The following MYT1 variants were observed in gnomAD, a reference collection of about 807,000 sequenced individuals.
MYT1 encodes the protein myelin transcription factor 1.
In MYT1, 23 loss-of-function variants were observed where a neutral mutation model predicts 123.0. That is an observed-to-expected ratio of 0.19 (90% CI 0.13 to 0.26). The LOEUF is 0.26. Among genes scored for constraint, MYT1 ranks in the 10% least tolerant of loss-of-function variants. The probability of loss-of-function intolerance (pLI) is 1.00; values close to 1 mark genes in which losing one functional copy is unlikely to be tolerated. For synonymous variants in MYT1, 518 were observed against 575.3 expected, an observed-to-expected ratio of 0.90 and a Z score of 1.43; for missense variants, 1,125 against 1,472.5, an observed-to-expected ratio of 0.76 and a Z score of 3.86.
chr20:64,170,801 CTG>C (rs1982229531), intron 1 of MYT1, among the ~76,000 whole-genome samples: 1 of 137,520 alleles, frequency 7.3e-6, no homozygotes, highest in South Asian at 2.4e-4. Context: ...AGTGGGTTGG[CTG>C]TGAGGCATTC....
intron 21 of MYT1, among the ~76,000 whole-genome samples, chr20:64,238,886 G>C (rs1984632049): frequency 6.6e-6 from 1 of 152,212 alleles, no homozygotes; most frequent in Admixed American, 6.5e-5. Flanking sequence ...TTGGTGACTG[G>C]TGCCCTCTGC....
In MYT1 at chr20:64,196,883, C is replaced by CAATA. The variant is rs959147215; in HGVS notation, c.1-1960_1-1957dup. On this transcript the variant is annotated intron_variant, in intron 2 of 22. Transcript: ENST00000328439. This position sits in a 1 kb window ranked among gnomAD's most constrained non-coding sequence, Gnocchi z 4.3. ...TTGCCAATATCCTTGGGAAAACTGG[C>CAATA]AATAAATAAATAAATAAATAAAGCC... 1.2e-4 allele frequency among the ~76,000 whole-genome samples: 19 copies of CAATA among 152,136 alleles called. No individual in the cohort carries two copies. Among genetic ancestry groups the CAATA allele is most frequent in the South Asian group, 4.1e-4 (2 of 4,822 alleles).
rs369446690 is a variant in MYT1 at position 64,168,784 on chromosome 20, T to C, written c.-99+4045T>C. 2.8e-3 allele frequency among the ~76,000 whole-genome samples: 431 copies of C among 152,280 alleles called. 23 individuals carry two copies. In the South Asian group the frequency reaches 0.077, roughly 27 times the overall value. Reference sequence around the variant, plus strand: ...CTGTGCCAGGAGGGTGCAGGTTGGATGGTCCTCAGGAAGTAGGCTGCAGCG... The same window carrying C: ...CTGTGCCAGGAGGGTGCAGGTTGGACGGTCCTCAGGAAGTAGGCTGCAGCG... On this transcript the variant is annotated intron_variant, in intron 1 of 22. Transcript: ENST00000328439. This position sits in a 1 kb window ranked among gnomAD's most constrained non-coding sequence, Gnocchi z 6.1.
chr20:64,168,847 G>C lies in MYT1; in HGVS notation c.-99+4108G>C, dbSNP rs1982157953. ...CAGGGTGGCCAGGCAAGGTGGGGGT[G>C]AGCACTGGGGATCTGGATGCTCGGG... On this transcript the variant is annotated intron_variant, in intron 1 of 22. Coordinates refer to ENST00000328439, the MANE Select transcript of MYT1 (RefSeq NM_004535.3). The surrounding 1 kb of genome is among the most constrained non-coding windows in gnomAD (Gnocchi z 6.1). 1.3e-5 allele frequency among the ~76,000 whole-genome samples: 2 copies of C among 152,206 alleles called. No individual in the cohort carries two copies. The highest frequency in any genetic ancestry group is 2.9e-5 in the Non-Finnish European group (2 of 68,040).
chr20:64,187,291 G>C (rs1397978284), intron 1 of MYT1, among the ~76,000 whole-genome samples: 2 of 142,136 alleles, frequency 1.4e-5, no homozygotes, highest in African/African-American at 5.4e-5. Flanking sequence ...TCCGTGGAGA[G>C]TTTTCCTGTA....
intron 1 of MYT1, among the ~76,000 whole-genome samples, chr20:64,179,817 C>T (rs1328826852): frequency 2.0e-5 from 3 of 152,110 alleles, no homozygotes; most frequent in Non-Finnish European, 4.4e-5. Context: ...ACATGCTACA[C>T]ACAGTTACAC....
chr20:64,198,023 C>CAG (rs1317456439), intron 2 of MYT1, among the ~76,000 whole-genome samples: 6 of 152,098 alleles, frequency 3.9e-5, no homozygotes, highest in Non-Finnish European at 8.8e-5. Context: ...CGGTGGCTCA[C>CAG]GCCTGTAATC....
In MYT1 at chr20:64,196,329, C is replaced by T. The variant is rs559276660; in HGVS notation, c.1-2533C>T. Among the ~76,000 whole-genome samples the T allele has an allele frequency of 1.1e-4, 17 of 152,328 alleles. No homozygotes were observed. The highest frequency in any genetic ancestry group is 4.1e-4 in the South Asian group (2 of 4,826). On this transcript the variant is annotated intron_variant, in intron 2 of 22. Transcript: ENST00000328439. This position sits in a 1 kb window ranked among gnomAD's most constrained non-coding sequence, Gnocchi z 4.3. ...GCCTGGGTGGTGCTGGGCACAGGGC[C>T]GCCCCCAGCACCCGCTCTCCATCTA... is the stretch of plus-strand genomic sequence containing the variant.
chr20:64,201,777 C>T (rs1456777204), intron 4 of MYT1, among the ~76,000 whole-genome samples: 4 of 152,230 alleles, frequency 2.6e-5, no homozygotes, highest in African/African-American at 9.6e-5. Context: ...GGTACCAGAA[C>T]AGGAAGCATG....
chr20:64,233,895 TG>T (rs1984418768), intron 19 of MYT1, among the ~76,000 whole-genome samples: 1 of 151,966 alleles, frequency 6.6e-6, no homozygotes, highest in Admixed American at 6.5e-5. Context: ...GCAAAAGAGA[TG>T]AGGTAGAAAG....
chr20:64,215,495 G>A (rs965425455), intron 10 of MYT1, among the ~76,000 whole-genome samples: 19 of 152,146 alleles, frequency 1.2e-4, no homozygotes, highest in African/African-American at 4.3e-4. Context: ...GCAAAGCTTC[G>A]TTGGCATTGT....
chr20:64,211,947 A>T, intron 8 of MYT1, 101 bp from the exon 9 acceptor site: 1 of 956,066 alleles, frequency 1.0e-6, no homozygotes, highest in Non-Finnish European at 1.6e-6. Context: ...CAGCCTTTGG[A>T]CAAGGCTCCT....
Position 64,166,558 on chromosome 20 carries a change from CA to C in MYT1, c.-99+1820del, listed in dbSNP as rs1427782174. On this transcript the variant is annotated intron_variant, in intron 1 of 22. Transcript: ENST00000328439. This position sits in a 1 kb window ranked among gnomAD's most constrained non-coding sequence, Gnocchi z 4.9. ...GGTAGCCCTCTTCAGAGACCCGAGGCAGGGGGGCTGCTTCTGTCCAAAGTGC... is the reference window on the plus strand; with the variant it reads ...GGTAGCCCTCTTCAGAGACCCGAGGCGGGGGGCTGCTTCTGTCCAAAGTGC... Among the ~76,000 whole-genome samples, 2 of 152,162 alleles carry C rather than the reference CA, an allele frequency of 1.3e-5. No homozygotes were observed. Among genetic ancestry groups the C allele is most frequent in the African/African-American group, 4.8e-5 (2 of 41,450 alleles).
intron 18 of MYT1, among the ~76,000 whole-genome samples, chr20:64,228,814 C>T (rs1055149830): frequency 1.3e-5 from 2 of 152,212 alleles, no homozygotes; most frequent in African/African-American, 4.8e-5. Flanking sequence ...GCAGTGGGTT[C>T]CCCAGCAGGT....
intron 16 of MYT1, among the ~76,000 whole-genome samples, chr20:64,225,967 C>G (rs1028118997): frequency 9.2e-5 from 14 of 152,208 alleles, no homozygotes; most frequent in Admixed American, 3.3e-4. Context: ...CACTCACAGT[C>G]CAATGCTGTG....
intron 1 of MYT1, among the ~76,000 whole-genome samples, chr20:64,184,624 C>T (rs1982745628): frequency 1.3e-5 from 2 of 152,112 alleles, no homozygotes; most frequent in Non-Finnish European, 2.9e-5. Context: ...AATTGCCATA[C>T]AAATTTTTAG....
At chr20:64,170,912 G>T (rs1234401060) in intron 1 of MYT1, among the ~76,000 whole-genome samples, 1 of 131,590 alleles carries the variant, frequency 7.6e-6, no homozygotes, top group Non-Finnish European at 1.6e-5. Flanking sequence ...GAGAGAGAGA[G>T]AGAGAGAGAG....
intron 1 of MYT1, among the ~76,000 whole-genome samples, chr20:64,178,386 G>A (rs368935196): frequency 1.8e-4 from 27 of 152,356 alleles, no homozygotes; most frequent in Admixed American, 4.6e-4. Flanking sequence ...AGAACCACGT[G>A]CTGTGCGTGG....
chr20:64,166,286 C>T lies in MYT1; in HGVS notation c.-99+1547C>T, dbSNP rs993684629. Among the ~76,000 whole-genome samples the T allele has an allele frequency of 9.2e-5, 14 of 152,126 alleles. No homozygotes were observed. The highest frequency in any genetic ancestry group is 3.4e-4 in the African/African-American group (14 of 41,434). ...TTGTGCAGAGGAGGCTGGGTCAGGG[C>T]TTAGAGGGCAGTTTGTTTTCAAAGA... On this transcript the variant is annotated intron_variant, in intron 1 of 22. Transcript: ENST00000328439. This position sits in a 1 kb window ranked among gnomAD's most constrained non-coding sequence, Gnocchi z 4.9.
Sources: allele counts gnomAD v4.1 joint callset (sites outside exome capture counted in the v4.1 genomes callset), GRCh38; gene constraint gnomAD v4.1.1; non-coding constraint Gnocchi (gnomAD v3.1); transcripts MANE v1.5; gene names NCBI Gene and HGNC (gene_info 2026-07-23, HGNC 2026-07-21).